Variants in NOS1AP observed in about 807,000 individuals in gnomAD.
The protein encoded by NOS1AP is carboxyl-terminal PDZ ligand of neuronal nitric oxide synthase protein.
A neutral mutation model predicts 56.2 loss-of-function variants in NOS1AP; 21 were observed. The observed-to-expected ratio is 0.37, with a 90% confidence interval of 0.26 to 0.54. NOS1AP has a LOEUF of 0.54. Ranked by LOEUF, NOS1AP falls within the 20% of genes least tolerant of loss-of-function variation. NOS1AP has a pLI of 0.84. For synonymous variants in NOS1AP, 270 were observed against 274.6 expected (o/e 0.98, Z 0.17); for missense variants, 522 against 657.8 (o/e 0.79, Z 2.26).
intron 1 of NOS1AP, among the ~76,000 whole-genome samples, chr1:162,151,002 G>A (rs1649682059): frequency 6.6e-6 from 1 of 152,144 alleles, no homozygotes; most frequent in Non-Finnish European, 1.5e-5. Context: ...TTGGTTGCCT[G>A]TGCTCATGGG....
chr1:162,230,325 A>G (rs1020414326), intron 2 of NOS1AP, among the ~76,000 whole-genome samples: 3 of 152,166 alleles, frequency 2.0e-5, no homozygotes, highest in African/African-American at 7.2e-5. Context: ...AAGCACTAGA[A>G]CCAGGAAGAG....
chr1:162,242,080 CT>C (rs550755121), intron 2 of NOS1AP, among the ~76,000 whole-genome samples: 49 of 152,006 alleles, frequency 3.2e-4, no homozygotes, highest in Non-Finnish European at 6.3e-4. Context: ...TTTTACCTTC[CT>C]TCCTTCATTC....
intron 1 of NOS1AP, among the ~76,000 whole-genome samples, chr1:162,134,529 G>GGGGAGGAGA (rs1648902913): frequency 6.6e-6 from 1 of 150,642 alleles, no homozygotes; most frequent in African/African-American, 2.4e-5. Flanking sequence ...GCTGTAAATG[G>GGGGAGGAGA]GGGAGGAGAG....
chr1:162,318,310 A>G (rs774993588), intron 4 of NOS1AP, among the ~76,000 whole-genome samples: 2 of 152,158 alleles, frequency 1.3e-5, no homozygotes, highest in African/African-American at 4.8e-5. Flanking sequence ...CTATATTTCC[A>G]AAACTCCCAT....
rs144128647 is a variant in NOS1AP at position 162,350,114 on chromosome 1, T to C, written c.596-5073T>C. Among the ~76,000 whole-genome samples, 30 of 152,338 alleles carry C rather than the reference T, an allele frequency of 2.0e-4. No homozygotes were observed. In the East Asian group the frequency reaches 5.6e-3, roughly 28 times the overall value. ...CAGAGTTGAACTGTTGGCTGTTGTT[T>C]TTTTTACGAGAATCTCACCTTCATG... is the stretch of plus-strand genomic sequence containing the variant. On this transcript the variant is annotated intron_variant, in intron 6 of 9. Coordinates refer to ENST00000361897, the MANE Select transcript of NOS1AP (RefSeq NM_014697.3).
intron 8 of NOS1AP, among the ~76,000 whole-genome samples, chr1:162,357,601 C>T (rs778208163): frequency 1.3e-5 from 2 of 148,594 alleles, no homozygotes; most frequent in Non-Finnish European, 3.1e-5. Context: ...TCCCAGTCTC[C>T]GTGTCTATAA....
chr1:162,252,568 C>T (rs1373367624), intron 2 of NOS1AP, among the ~76,000 whole-genome samples: 1 of 152,116 alleles, frequency 6.6e-6, no homozygotes, highest in Non-Finnish European at 1.5e-5. Context: ...CAATAGATTT[C>T]AGTAGTTATT....
intron 2 of NOS1AP, among the ~76,000 whole-genome samples, chr1:162,248,864 T>C (rs1007911976): frequency 4.6e-5 from 7 of 152,194 alleles, no homozygotes; most frequent in Non-Finnish European, 7.3e-5. Flanking sequence ...ATATGTTTTT[T>C]TCATCTTGAC....
At chr1:162,140,612 G>A (rs992131268) in intron 1 of NOS1AP, among the ~76,000 whole-genome samples, 1 of 152,188 alleles carries the variant, frequency 6.6e-6, no homozygotes, top group African/African-American at 2.4e-5. Context: ...GAACATATCA[G>A]TGCATATATC....
At chr1:162,330,990 G>A (rs1402568995) in intron 4 of NOS1AP, among the ~76,000 whole-genome samples, 1 of 152,156 alleles carries the variant, frequency 6.6e-6, no homozygotes, top group Non-Finnish European at 1.5e-5. Context: ...ATAGGACATG[G>A]AGAATTATGG....
chr1:162,133,881 T>C (rs999745729), intron 1 of NOS1AP, among the ~76,000 whole-genome samples: 1 of 152,152 alleles, frequency 6.6e-6, no homozygotes, highest in Non-Finnish European at 1.5e-5. Context: ...GTAGAAGTAA[T>C]CGGCATTCAA....
At chr1:162,154,057 A>G (rs958563707) in intron 1 of NOS1AP, among the ~76,000 whole-genome samples, 1 of 151,778 alleles carries the variant, frequency 6.6e-6, no homozygotes, top group Non-Finnish European at 1.5e-5. Context: ...CTGAGAGCCA[A>G]TTTTACAGTT....
rs567936315 is a variant in NOS1AP at position 162,188,922 on chromosome 1, G to T, written c.177+34446G>T. 6.6e-6 allele frequency among the ~76,000 whole-genome samples: 1 copy of T among 152,152 alleles called. No homozygotes were observed. The highest frequency in any genetic ancestry group is 2.1e-4 in the South Asian group (1 of 4,818). Reference sequence around the variant, plus strand: ...CTCTAAAAATACAAAAATTAGCTGGGCACAGTGGCCTGTAGTCCCAGCTAC... The same window carrying T: ...CTCTAAAAATACAAAAATTAGCTGGTCACAGTGGCCTGTAGTCCCAGCTAC... On this transcript the variant is annotated intron_variant, in intron 2 of 9. Coordinates refer to ENST00000361897, the MANE Select transcript of NOS1AP (RefSeq NM_014697.3). This position sits in a 1 kb window ranked among gnomAD's most constrained non-coding sequence, Gnocchi z 4.0.
intron 2 of NOS1AP, among the ~76,000 whole-genome samples, chr1:162,230,076 C>T (rs1183517230): frequency 6.6e-6 from 1 of 151,978 alleles, no homozygotes; most frequent in African/African-American, 2.4e-5. Context: ...TGAGAGTGTC[C>T]AAGGAAGAAT....
intron 1 of NOS1AP, among the ~76,000 whole-genome samples, chr1:162,071,169 C>G (rs1691653132): frequency 6.6e-6 from 1 of 152,088 alleles, no homozygotes; most frequent in Admixed American, 6.5e-5. Flanking sequence ...CTTCAAGCCA[C>G]TTGACCTCCT....
chr1:162,282,433 C>T (rs1021371832), intron 2 of NOS1AP, among the ~76,000 whole-genome samples: 4 of 152,212 alleles, frequency 2.6e-5, no homozygotes, highest in African/African-American at 9.7e-5. Flanking sequence ...GTATACACCA[C>T]ATTTTGTGAA....
intron 1 of NOS1AP, among the ~76,000 whole-genome samples, chr1:162,096,545 TCTC>T (rs1204251821): frequency 6.6e-6 from 1 of 152,176 alleles, no homozygotes; most frequent in Admixed American, 6.5e-5. Context: ...TTGATTTAAT[TCTC>T]CTCCTTCTCT....
chr1:162,098,102 CTTT>C (rs35307081), intron 1 of NOS1AP, among the ~76,000 whole-genome samples: 162 of 80,584 alleles, frequency 2.0e-3, no homozygotes, highest in African/African-American at 7.9e-3. Flanking sequence ...CTCTCTTTTG[CTTT>C]TTTTTTTTTT....
intron 1 of NOS1AP, among the ~76,000 whole-genome samples, chr1:162,140,594 G>T (rs1387448599): frequency 6.6e-6 from 1 of 152,156 alleles, no homozygotes; most frequent in South Asian, 2.1e-4. Context: ...TGTGAATAAT[G>T]CTGCAATGAA....
Sources: allele counts gnomAD v4.1 joint callset (sites outside exome capture counted in the v4.1 genomes callset), GRCh38; gene constraint gnomAD v4.1.1; non-coding constraint Gnocchi (gnomAD v3.1); transcripts MANE v1.5; gene names NCBI Gene and HGNC (gene_info 2026-07-23, HGNC 2026-07-21).